MYO5C: variants seen among roughly 807,000 people sequenced by gnomAD.
MYO5C encodes unconventional myosin-Vc.
In MYO5C, 194 loss-of-function variants were observed where a neutral mutation model predicts 235.7. The observed-to-expected ratio is 0.82, with a 90% CI of 0.73 to 0.93. The LOEUF (loss-of-function observed/expected upper bound fraction) is 0.93. Among genes scored for constraint, MYO5C ranks in the 40% least tolerant of loss-of-function variants. The probability of loss-of-function intolerance (pLI) is 0.00; values close to 1 mark genes in which losing one functional copy is unlikely to be tolerated. For synonymous variants in MYO5C, 707 were observed against 754.8 expected (o/e 0.94, Z 1.04); for missense variants, 2,038 against 2,127.2 (o/e 0.96, Z 0.82).
rs1242802057 is a variant in MYO5C, at chr15:52,246,569, GAAT to G, written c.1979+345_1979+347del. On this transcript the variant is annotated intron_variant, in intron 16 of 40. Coordinates refer to ENST00000261839, the MANE Select transcript of MYO5C (RefSeq NM_018728.4). ...CTCCTCCATGGGTCCCAGAGAACAA[GAAT>G]AATGCCTCATGCCATCATGTCTGAG... Among the ~76,000 whole-genome samples the G allele has an allele frequency of 5.3e-5, 8 of 152,168 alleles. No homozygotes were observed. The East Asian group carries it at 1.3e-3, about 26-fold the overall frequency.
chr15:52,259,928 G>A (rs567346868), intron 10 of MYO5C, among the ~76,000 whole-genome samples: 1 of 152,366 alleles, frequency 6.6e-6, no homozygotes, highest in South Asian at 2.1e-4. Flanking sequence ...GGGTTGAGCT[G>A]CTTTTTGCCA....
At chr15:52,263,647 T>A (rs2036739616) in intron 9 of MYO5C, among the ~76,000 whole-genome samples, 1 of 152,172 alleles carries the variant, frequency 6.6e-6, no homozygotes, top group South Asian at 2.1e-4. Flanking sequence ...TTTCTGCACT[T>A]GCTGTTCTTC....
rs2036363357 is a variant in MYO5C, at chr15:52,246,979, G to A, written c.1917C>T (p.Leu639=). The A allele has an allele frequency of 6.2e-7, 1 of 1,614,100 alleles. No individual in the cohort carries two copies. Among genetic ancestry groups the A allele is most frequent in the Non-Finnish European group, 8.5e-7 (1 of 1,179,976 alleles). ...GAACGTAGTGGGGCGTCGTCGCATT[G>A]AGGGTCTCCATGAGCAAGTACAGAG... The part of the protein sequence containing the change: ...RSSLYLLMET[L]NATTPHYVRC... The change falls in exon 16 of 41, where the codon CTC becomes CTT. Residue 639 remains leucine, a synonymous_variant. Coordinates refer to ENST00000261839, the MANE Select transcript of MYO5C (RefSeq NM_018728.4).
chr15:52,205,550 A>C (rs1158077324), intron 37 of MYO5C: 1 of 340,050 alleles, frequency 2.9e-6, no homozygotes, highest in Admixed American at 4.3e-5. Context: ...TAGAAGTACC[A>C]CATAAATAGC....
intron 23 of MYO5C, among the ~76,000 whole-genome samples, chr15:52,235,082 A>C (rs2036047967): frequency 6.8e-6 from 1 of 146,952 alleles, no homozygotes; most frequent in African/African-American, 2.5e-5. Context: ...AGCTAGGCTA[A>C]GCGTAGCTGT....
At chr15:52,230,583 T>C (rs1040905333) in intron 24 of MYO5C, among the ~76,000 whole-genome samples, 2 of 151,756 alleles carry the variant, frequency 1.3e-5, no homozygotes, top group African/African-American at 2.4e-5. Flanking sequence ...CTAATGTTTG[T>C]ATTTTTAGTA....
rs1050386292 is a variant in MYO5C, at chr15:52,219,758, C to A, written c.3785+1G>T. 6.2e-7 allele frequency: 1 copy of A among 1,608,796 alleles called. No individual in the cohort carries two copies. Among genetic ancestry groups the A allele is most frequent in the African/African-American group, 1.3e-5 (1 of 74,828 alleles). Reference sequence around the variant, plus strand: ...TGAGGTACACACATATTTACACTTACTTTCTTTGTGTTCCTTCCTCCTCTT... The same window carrying A: ...TGAGGTACACACATATTTACACTTAATTTCTTTGTGTTCCTTCCTCCTCTT... On this transcript the variant is annotated splice_donor_variant, in intron 31 of 40. Coordinates refer to ENST00000261839, the MANE Select transcript of MYO5C (RefSeq NM_018728.4). LOFTEE classifies it high-confidence loss of function.
At chr15:52,256,294 G>A (rs922790007) in intron 11 of MYO5C, among the ~76,000 whole-genome samples, 7 of 152,116 alleles carry the variant, frequency 4.6e-5, no homozygotes, top group Admixed American at 2.0e-4. Context: ...GTGGGTTAAG[G>A]CAGAGAAAGC....
chr15:52,220,024 A>C (rs1329108906), intron 30 of MYO5C, among the ~76,000 whole-genome samples: 1 of 152,194 alleles, frequency 6.6e-6, no homozygotes, highest in Non-Finnish European at 1.5e-5. Context: ...GAGCTGAAAA[A>C]CAAAACTGCA....
intron 1 of MYO5C, among the ~76,000 whole-genome samples, chr15:52,289,383 T>A (rs2037342664): frequency 1.3e-5 from 2 of 151,760 alleles, no homozygotes; most frequent in African/African-American, 4.8e-5. Flanking sequence ...CCCCTAAATG[T>A]CCTCATAGAC....
intron 25 of MYO5C, 81 bp downstream of exon 25, chr15:52,229,052 A>C: frequency 1.3e-6 from 2 of 1,534,024 alleles, no homozygotes; most frequent in Non-Finnish European, 1.8e-6. Flanking sequence ...AGATGCTTTT[A>C]GCTGTCTAAT....
intron 4 of MYO5C, 145 bp from the exon 5 acceptor site, chr15:52,275,863 A>AT (rs1013496163): frequency 5.8e-4 from 469 of 812,136 alleles, no homozygotes; most frequent in African/African-American, 2.2e-3. Flanking sequence ...TTCCTTCTAG[A>AT]TTTTTTTTTC....
At chr15:52,232,779 T>C (rs2035995347) in intron 23 of MYO5C, 94 bp from the exon 24 acceptor site, 1 of 1,084,200 alleles carries the variant, frequency 9.2e-7, no homozygotes, top group Non-Finnish European at 1.4e-6. Flanking sequence ...GTCAGGACAA[T>C]CATGTGATGT....
In MYO5C at chr15:52,208,659, A is replaced by G. The variant is rs2035376868; in HGVS notation, c.4297-16T>C. 6.2e-7 allele frequency: 1 copy of G among 1,611,074 alleles called. No homozygotes were observed. The highest frequency in any genetic ancestry group is 2.2e-5 in the East Asian group (1 of 44,872). On this transcript the variant is annotated splice_polypyrimidine_tract_variant and intron_variant, in intron 35 of 40. Coordinates refer to ENST00000261839, the MANE Select transcript of MYO5C (RefSeq NM_018728.4). ...CTAAATGTTCCTTAGGAAAATAAGA[A>G]AAGACAAAATTGGTCTTGATGATTA...
chr15:52,213,067 G>T, intron 34 of MYO5C, 121 bp downstream of exon 34: 1 of 682,886 alleles, frequency 1.5e-6, no homozygotes. Context: ...ACTCTGGGCT[G>T]GGGGAAGAAG....
At chr15:52,288,920 G>C (rs566328048) in intron 1 of MYO5C, among the ~76,000 whole-genome samples, 1 of 152,252 alleles carries the variant, frequency 6.6e-6, no homozygotes, top group East Asian at 1.9e-4. Context: ...CCCCCCCAAG[G>C]CACACAGGTG....
In MYO5C at chr15:52,213,197, G is replaced by T. The variant is rs752346911; in HGVS notation, c.4132C>A (p.Leu1378Ile). The change falls in exon 34 of 41, where the codon CTC (leucine) becomes ATC (isoleucine). Residue 1378 changes from leucine (L) to isoleucine (I), a missense_variant. By Grantham distance (5) the Leu-to-Ile change is conservative. Coordinates refer to ENST00000261839, the MANE Select transcript of MYO5C (RefSeq NM_018728.4). ...REDEAKLIQN[L>I]ILDLKPRGVV... is the part of the protein sequence containing the mutation. ...TTCCAGGTTTCACTACCAAGAATGA[G>T]GTTCTGAATGAGCTTGGCCTCGTCT... The T allele has an allele frequency of 3.1e-6, 5 of 1,613,540 alleles. No homozygotes were observed. The highest frequency in any genetic ancestry group is 3.4e-6 in the Non-Finnish European group (4 of 1,179,582).
In MYO5C at chr15:52,223,734, G is replaced by A. The variant is rs1238607001; in HGVS notation, c.3447-10C>T. On this transcript the variant is annotated splice_polypyrimidine_tract_variant and intron_variant, in intron 28 of 40. Coordinates refer to ENST00000261839, the MANE Select transcript of MYO5C (RefSeq NM_018728.4). ...ATGGCTCTCCAAAACACTATTAAAG[G>A]AGGGGTCAAGAAATAAACCACATGG... is the stretch of plus-strand genomic sequence containing the variant. The A allele has an allele frequency of 6.2e-7, 1 of 1,609,892 alleles. No individual in the cohort carries two copies. The highest frequency in any genetic ancestry group is 8.5e-7 in the Non-Finnish European group (1 of 1,177,898).
Position 52,204,915 on chromosome 15 carries a change from G to A in MYO5C, c.4770C>T (p.Ser1590=). ...FFLIGAVTLN[S]LFLRKDMCSC... ...AGCACATGTCCTTGCGCAGGAAGAGGCTGTTCAGCGTGACCGCCCCGATCA... is the reference window on the plus strand; with the variant it reads ...AGCACATGTCCTTGCGCAGGAAGAGACTGTTCAGCGTGACCGCCCCGATCA... The change falls in exon 38 of 41, where the codon AGC becomes AGT. Residue 1590 remains serine, a synonymous_variant. Coordinates refer to ENST00000261839, the MANE Select transcript of MYO5C (RefSeq NM_018728.4). 1 of 1,614,220 alleles carries A rather than the reference G, an allele frequency of 6.2e-7. No homozygotes were observed. Among genetic ancestry groups the A allele is most frequent in the Non-Finnish European group, 8.5e-7 (1 of 1,180,036 alleles).
Sources: allele counts gnomAD v4.1 joint callset (sites outside exome capture counted in the v4.1 genomes callset), GRCh38; gene constraint gnomAD v4.1.1; transcripts MANE v1.5; gene names NCBI Gene and HGNC (gene_info 2026-07-23, HGNC 2026-07-21).